Variants in C13orf42 observed in about 807,000 individuals in gnomAD.
C13orf42 encodes chromosome 13 open reading frame 42.
intron 1 of C13orf42, among the ~76,000 whole-genome samples, chr13:51,163,156 G>T (rs766545565): frequency 1.3e-5 from 2 of 152,146 alleles, no homozygotes; most frequent in Admixed American, 6.5e-5. Flanking sequence ...TCAGGGGCCA[G>T]CAAATGTCCC....
At chr13:51,100,786 C>T (rs1001479517) in intron 1 of C13orf42, among the ~76,000 whole-genome samples, 2 of 152,090 alleles carry the variant, frequency 1.3e-5, no homozygotes, top group African/African-American at 4.8e-5. Flanking sequence ...AAAATAATGA[C>T]CTTTGGCCTT....
chr13:51,144,239 G>A (rs902297743), intron 1 of C13orf42, among the ~76,000 whole-genome samples: 1 of 152,104 alleles, frequency 6.6e-6, no homozygotes, highest in African/African-American at 2.4e-5. Flanking sequence ...ATGTTCATGA[G>A]TATCAAGCAG....
At chr13:51,124,292 G>A (rs1953559376) in intron 1 of C13orf42, among the ~76,000 whole-genome samples, 1 of 152,102 alleles carries the variant, frequency 6.6e-6, no homozygotes, top group African/African-American at 2.4e-5. Flanking sequence ...AGTTTCCGGG[G>A]AGACTGATTT....
At chr13:51,162,009 T>G (rs1953868582) in intron 1 of C13orf42, 1 of 404,846 alleles carries the variant, frequency 2.5e-6, no homozygotes, top group Non-Finnish European at 4.9e-6. Context: ...CCAAACCTAC[T>G]GAGAAGCCTG....
At chr13:51,149,311 T>TG (rs966711039) in intron 1 of C13orf42, among the ~76,000 whole-genome samples, 1 of 91,882 alleles carries the variant, frequency 1.1e-5, no homozygotes, top group African/African-American at 3.5e-5. Context: ...AGGCTGAAAT[T>TG]GAAAAAAAAA....
At chr13:51,086,356 A>C (rs568227933) in intron 2 of C13orf42, among the ~76,000 whole-genome samples, 1 of 152,070 alleles carries the variant, frequency 6.6e-6, no homozygotes, top group South Asian at 2.1e-4. Flanking sequence ...ACACAGATCT[A>C]TATTTATGGG....
At chr13:51,128,388 A>G (rs1464360915) in intron 1 of C13orf42, among the ~76,000 whole-genome samples, 1 of 152,214 alleles carries the variant, frequency 6.6e-6, no homozygotes, top group Non-Finnish European at 1.5e-5. Flanking sequence ...GATGACACTG[A>G]GGAGAACCCC....
intron 1 of C13orf42, among the ~76,000 whole-genome samples, chr13:51,131,866 T>C (rs1953619619): frequency 6.6e-6 from 1 of 152,208 alleles, no homozygotes; most frequent in African/African-American, 2.4e-5. Context: ...TCAGTTATTT[T>C]TGAGTTTTTT....
chr13:51,121,848 A>G (rs886145251), intron 1 of C13orf42, among the ~76,000 whole-genome samples: 1 of 152,122 alleles, frequency 6.6e-6, no homozygotes, highest in Non-Finnish European at 1.5e-5. Context: ...TAAATTTTCT[A>G]CAGCTGAGAA....
At chr13:51,114,657 GACAGACAGACAGAC>G (rs1566130423), upstream of C13orf42, among the ~76,000 whole-genome samples, 1 of 82,618 alleles carries the variant, frequency 1.2e-5, no homozygotes, top group Non-Finnish European at 2.5e-5. Context: ...GAGATAGACA[GACAGACAGACAGAC>G]AGACAGACAG....
intron 1 of C13orf42, among the ~76,000 whole-genome samples, chr13:51,160,371 A>C (rs1465189530): frequency 1.3e-5 from 2 of 152,216 alleles, no homozygotes; most frequent in African/African-American, 4.8e-5. Context: ...TTAGCTGCGC[A>C]TGGTGGCGCA....
intron 1 of C13orf42, chr13:51,172,189 G>T (rs967480144): frequency 6.6e-6 from 1 of 152,158 alleles, no homozygotes; most frequent in Admixed American, 6.5e-5. Context: ...CGCAGCCTGG[G>T]ATTCCTCCTA....
chr13:51,127,586 G>A (rs1156884973), intron 1 of C13orf42, among the ~76,000 whole-genome samples: 1 of 152,162 alleles, frequency 6.6e-6, no homozygotes, highest in Non-Finnish European at 1.5e-5. Flanking sequence ...ACTGCAAAGT[G>A]TTACCTTCCA....
chr13:51,085,311 G>A lies in C13orf42; in HGVS notation c.803+8C>T, dbSNP rs79199971. ...ATCTTGGTCATGCTATTTAGCCCAA[G>A]CACTTACTCTTTTTTGCAGGCTTTG... is the stretch of plus-strand genomic sequence containing the variant. On this transcript the variant is annotated splice_region_variant and intron_variant, in intron 3 of 3. Coordinates refer to ENST00000563710, the MANE Select transcript of C13orf42 (RefSeq NM_001351589.3). 1,280 of 398,380 alleles carry A rather than the reference G, an allele frequency of 3.2e-3. 19 individuals carry two copies. The highest frequency in any genetic ancestry group is 0.024 in the African/African-American group (1,144 of 48,668). The allele number at this position is 398,380 out of a possible 1,614,324, so 24.7% of individuals were successfully genotyped here. A position where few individuals can be genotyped will look rare whatever the true frequency, so the allele number is the denominator to read the frequency against.
chr13:51,108,815 C>T (rs9316521), intron 1 of C13orf42, among the ~76,000 whole-genome samples: 4,158 of 152,302 alleles, frequency 0.027, 179 homozygotes, highest in African/African-American at 0.094. Flanking sequence ...TTCCTGATTG[C>T]GCTGTGGTGA....
At chr13:51,090,897 A>G (rs1159759234) in intron 1 of C13orf42, among the ~76,000 whole-genome samples, 3 of 152,250 alleles carry the variant, frequency 2.0e-5, no homozygotes, top group African/African-American at 4.8e-5. Context: ...AAACATTAGC[A>G]TAGAAATCAC....
intron 1 of C13orf42, among the ~76,000 whole-genome samples, chr13:51,090,726 TAA>T (rs1953172920): frequency 6.6e-6 from 1 of 152,170 alleles, no homozygotes; most frequent in Admixed American, 6.5e-5. Context: ...TGTTAATTGT[TAA>T]AGAGTTAGGA....
intron 1 of C13orf42, among the ~76,000 whole-genome samples, chr13:51,107,795 AG>A (rs1280555782): frequency 6.6e-6 from 1 of 152,272 alleles, no homozygotes; most frequent in Non-Finnish European, 1.5e-5. Context: ...AGTTCACTGC[AG>A]TCCACCAGGG....
At chr13:51,084,481 A>AT in intron 3 of C13orf42, among the ~76,000 whole-genome samples, 156 bp from the exon 4 acceptor site, 1 of 152,326 alleles carries the variant, frequency 6.6e-6, no homozygotes, top group Admixed American at 6.5e-5. Flanking sequence ...CATGGGGGCC[A>AT]TGGGTGGACC....
Sources: allele counts gnomAD v4.1 joint callset (sites outside exome capture counted in the v4.1 genomes callset), GRCh38; gene constraint gnomAD v4.1.1; transcripts MANE v1.5; gene names NCBI Gene and HGNC (gene_info 2026-07-23, HGNC 2026-07-21).